Variants in NUDT3 observed in about 807,000 individuals in gnomAD.
The protein encoded by NUDT3 is nudix hydrolase 3.
In NUDT3, 9 loss-of-function variants were observed where a neutral mutation model predicts 23.6. That is an observed-to-expected ratio of 0.38 (90% confidence interval 0.23 to 0.66). The LOEUF (loss-of-function observed/expected upper bound fraction) is 0.66. Among genes scored for constraint, NUDT3 ranks in the 30% least tolerant of loss-of-function variants. NUDT3 has a pLI of 0.52. For synonymous variants in NUDT3, 86 were observed against 82.6 expected, an observed-to-expected ratio of 1.04 and a Z score of -0.22; for missense variants, 172 against 218.5, an observed-to-expected ratio of 0.79 and a Z score of 1.34.
At chr6:34,304,335 G>A (rs754926025) in intron 2 of NUDT3, among the ~76,000 whole-genome samples, 1 of 151,536 alleles carries the variant, frequency 6.6e-6, no homozygotes, top group African/African-American at 2.4e-5. Context: ...GGGAGGCTAA[G>A]GTGGAAAGAC....
At chr6:34,309,637 C>T (rs1228762890) in intron 2 of NUDT3, among the ~76,000 whole-genome samples, 5 of 151,840 alleles carry the variant, frequency 3.3e-5, no homozygotes, top group Non-Finnish European at 7.4e-5. Flanking sequence ...TAAAAGTATA[C>T]AAACGTATGT....
At chr6:34,295,577 C>A in intron 3 of NUDT3, 64 bp downstream of exon 3, 1 of 1,529,008 alleles carries the variant, frequency 6.5e-7, no homozygotes, top group Non-Finnish European at 8.8e-7. Context: ...GGCATTTTTC[C>A]TATGTTAATA....
intron 2 of NUDT3, among the ~76,000 whole-genome samples, chr6:34,337,861 TC>T (rs1764231727): frequency 6.6e-6 from 1 of 152,226 alleles, no homozygotes; most frequent in Admixed American, 6.5e-5. Context: ...TCACTCCATT[TC>T]AGGTCTTGTA....
At chr6:34,334,891 T>C (rs1764183580) in intron 2 of NUDT3, among the ~76,000 whole-genome samples, 1 of 140,804 alleles carries the variant, frequency 7.1e-6, no homozygotes, top group Admixed American at 7.5e-5. Flanking sequence ...TATGACCATA[T>C]CACTGCACTC....
At chr6:34,367,363 T>A (rs1188602252) in intron 1 of NUDT3, among the ~76,000 whole-genome samples, 1 of 151,830 alleles carries the variant, frequency 6.6e-6, no homozygotes, top group African/African-American at 2.4e-5. Flanking sequence ...GTGCCTGCGA[T>A]CCCAGCTACT....
chr6:34,360,719 G>GT (rs961584587), intron 1 of NUDT3, among the ~76,000 whole-genome samples: 9 of 151,316 alleles, frequency 5.9e-5, no homozygotes, highest in Admixed American at 1.3e-4. Flanking sequence ...CAAATAACTA[G>GT]TTTTTTTTTC....
chr6:34,361,822 A>G (rs1764654502), intron 1 of NUDT3, among the ~76,000 whole-genome samples: 1 of 152,238 alleles, frequency 6.6e-6, no homozygotes, highest in Admixed American at 6.5e-5. Context: ...CAAAACTATG[A>G]AGACAGTAGA....
intron 2 of NUDT3, among the ~76,000 whole-genome samples, chr6:34,326,623 C>A (rs892084378): frequency 6.6e-6 from 1 of 150,964 alleles, no homozygotes; most frequent in African/African-American, 2.4e-5. Flanking sequence ...TTTTTTGACA[C>A]GGAGTCTTGC....
chr6:34,369,255 T>A (rs766839237), intron 1 of NUDT3, among the ~76,000 whole-genome samples: 2 of 152,200 alleles, frequency 1.3e-5, no homozygotes, highest in Non-Finnish European at 2.9e-5. Context: ...ACTATCTCCA[T>A]CTTGACTTTT....
chr6:34,388,454 T>A (rs1264181652), intron 1 of NUDT3, among the ~76,000 whole-genome samples: 2 of 152,226 alleles, frequency 1.3e-5, no homozygotes, highest in Non-Finnish European at 2.9e-5. Context: ...AAATTTTTTT[T>A]AATTGGGTTG....
rs1365239851 is a variant in NUDT3 at position 34,284,853 on chromosome 6, A to G, written c.*3900T>C. On this transcript the variant is annotated 3_prime_UTR_variant, in exon 5 of 5. Transcript: ENST00000607016. ...GGCTGGCTCCTAATATCAAAACAAAATATTTCTTTGCCACAAAGGAACTTG... is the reference window on the plus strand; with the variant it reads ...GGCTGGCTCCTAATATCAAAACAAAGTATTTCTTTGCCACAAAGGAACTTG... The G allele has an allele frequency of 6.6e-6, 1 of 152,168 alleles. No homozygotes were observed. The highest frequency in any genetic ancestry group is 2.4e-5 in the African/African-American group (1 of 41,434). The allele number at this position is 152,168 out of a possible 1,614,324, so 9.4% of individuals were successfully genotyped here. A position where few individuals can be genotyped will look rare whatever the true frequency, so the allele number is the denominator to read the frequency against.
intron 2 of NUDT3, among the ~76,000 whole-genome samples, chr6:34,328,748 A>G (rs978904917): frequency 1.3e-5 from 2 of 152,184 alleles, no homozygotes; most frequent in African/African-American, 4.8e-5. Context: ...ACCCCTGACC[A>G]TATTAATTCC....
intron 2 of NUDT3, among the ~76,000 whole-genome samples, chr6:34,311,145 T>G (rs2113709585): frequency 6.6e-6 from 1 of 152,310 alleles, no homozygotes; most frequent in South Asian, 2.1e-4. Flanking sequence ...AAAACTGTAT[T>G]CGTTTGCAGA....
chr6:34,300,077 G>A (rs1289544674), intron 2 of NUDT3, among the ~76,000 whole-genome samples: 1 of 151,874 alleles, frequency 6.6e-6, no homozygotes, highest in Admixed American at 6.6e-5. Flanking sequence ...AAACACAAGT[G>A]TCTCTTTTCC....
At chr6:34,297,734 T>TA (rs1184008707) in intron 2 of NUDT3, among the ~76,000 whole-genome samples, 1 of 40,192 alleles carries the variant, frequency 2.5e-5, no homozygotes, top group Non-Finnish European at 5.1e-5. Context: ...AAAAAAAATA[T>TA]ATATATATAT....
At chr6:34,302,788 T>C (rs1763619875) in intron 2 of NUDT3, among the ~76,000 whole-genome samples, 1 of 152,164 alleles carries the variant, frequency 6.6e-6, no homozygotes, top group Non-Finnish European at 1.5e-5. Flanking sequence ...GGCATAAAAT[T>C]ACAGTCACAT....
At chr6:34,358,464 G>C (rs1764597977) in intron 1 of NUDT3, among the ~76,000 whole-genome samples, 2 of 151,804 alleles carry the variant, frequency 1.3e-5, no homozygotes, top group South Asian at 2.1e-4. Context: ...ATTCTTTTTT[G>C]TTACTGTTAT....
intron 1 of NUDT3, among the ~76,000 whole-genome samples, chr6:34,348,065 G>A (rs1336750776): frequency 6.6e-6 from 1 of 152,026 alleles, no homozygotes; most frequent in Non-Finnish European, 1.5e-5. Flanking sequence ...TTGGGAGGCT[G>A]AGGCGGGCAG....
chr6:34,308,342 T>G (rs1162700660), intron 2 of NUDT3, among the ~76,000 whole-genome samples: 1 of 150,692 alleles, frequency 6.6e-6, no homozygotes, highest in Non-Finnish European at 1.5e-5. Context: ...CTACATGTAA[T>G]CACAGCTACT....
Sources: allele counts gnomAD v4.1 joint callset (sites outside exome capture counted in the v4.1 genomes callset), GRCh38; gene constraint gnomAD v4.1.1; transcripts MANE v1.5; gene names NCBI Gene and HGNC (gene_info 2026-07-23, HGNC 2026-07-21).